The following E2F6 variants were observed in gnomAD, a reference collection of about 807,000 sequenced individuals.
E2F6 encodes transcription factor E2F6.
Under a neutral mutation model 31.5 loss-of-function variants are expected in E2F6, and 19 were observed. The ratio of observed to expected loss-of-function variants is 0.60; its 90% confidence interval spans 0.42 to 0.89. E2F6 has a LOEUF of 0.89. Ranked by LOEUF, E2F6 falls within the 40% of genes least tolerant of loss-of-function variation. The pLI, the probability that E2F6 is intolerant of heterozygous loss-of-function variation, is 0.00. For missense variants in E2F6, 269 were observed against 341.6 expected (o/e 0.79, Z 1.67); for synonymous variants, 121 against 127.7 (o/e 0.95, Z 0.36).
chr2:11,447,284 C>T (rs1572485626), intron 6 of E2F6, among the ~76,000 whole-genome samples: 1 of 152,170 alleles, frequency 6.6e-6, no homozygotes, highest in African/African-American at 2.4e-5. Flanking sequence ...CCCTTCCCTT[C>T]TCCAAGATGT....
intron 1 of E2F6, among the ~76,000 whole-genome samples, chr2:11,462,006 G>A (rs1671810526): frequency 6.6e-6 from 1 of 152,226 alleles, no homozygotes; most frequent in South Asian, 2.1e-4. Flanking sequence ...AACAGTTTGT[G>A]TCATGGACTT....
intron 5 of E2F6, among the ~76,000 whole-genome samples, chr2:11,449,208 G>C (rs1382032062): frequency 1.3e-5 from 2 of 152,234 alleles, no homozygotes; most frequent in African/African-American, 2.4e-5. Context: ...ACTTGAGTGT[G>C]ACTGAGGTAA....
In E2F6 at chr2:11,455,736, G is replaced by A. The variant is rs548450776; in HGVS notation, c.163+1443C>T. The stretch of plus-strand genomic sequence containing the variant: ...CTGAGGGGATATGAATAGGATTACA[G>A]AGGTCTTCACACCAAAGCAACTCCG... On this transcript the variant is annotated intron_variant, in intron 2 of 6. Coordinates refer to ENST00000381525, the MANE Select transcript of E2F6 (RefSeq NM_198256.4). Among the ~76,000 whole-genome samples the A allele has an allele frequency of 3.2e-3, 482 of 152,316 alleles. 3 individuals are homozygous for A. The highest frequency in any genetic ancestry group is 3.4e-3 in the Non-Finnish European group (234 of 68,030).
chr2:11,455,360 T>C, intron 2 of E2F6: 2 of 1,212,850 alleles, frequency 1.6e-6, no homozygotes, highest in Admixed American at 6.5e-5. Flanking sequence ...AGAAATGTCC[T>C]TACTCAGAAC....
rs988467103 is a variant in E2F6, at chr2:11,445,261, A to G, written c.*1216T>C. The G allele has an allele frequency of 1.3e-5, 2 of 152,476 alleles. No homozygotes were observed. Among genetic ancestry groups the G allele is most frequent in the African/African-American group, 2.4e-5 (1 of 41,462 alleles). The allele number at this position is 152,476 out of a possible 1,614,324, so 9.4% of individuals were successfully genotyped here. A position where few individuals can be genotyped will look rare whatever the true frequency, so the allele number is the denominator to read the frequency against. On this transcript the variant is annotated 3_prime_UTR_variant, in exon 7 of 7. Transcript: ENST00000381525. The stretch of plus-strand genomic sequence containing the variant: ...TACGATAGACAAACCAAATATTATT[A>G]TTCTGATCTTACAATTCACTCACTC...
At chr2:11,453,899 C>A in intron 2 of E2F6, 101 bp from the exon 3 acceptor site, 1 of 1,014,566 alleles carries the variant, frequency 9.9e-7, no homozygotes. Flanking sequence ...CAGACATCTA[C>A]AGAAATGCCT....
intron 1 of E2F6, among the ~76,000 whole-genome samples, chr2:11,460,996 T>G (rs1353620055): frequency 2.6e-5 from 4 of 151,332 alleles, no homozygotes; most frequent in African/African-American, 9.7e-5. Context: ...AGGGGTCTGC[T>G]GGGACTTGGG....
intron 5 of E2F6, among the ~76,000 whole-genome samples, chr2:11,448,806 C>T (rs533952044): frequency 4.6e-5 from 7 of 152,206 alleles, no homozygotes; most frequent in Non-Finnish European, 8.8e-5. Flanking sequence ...AACTCTGCCA[C>T]TATAGTATGA....
At chr2:11,465,178 CAAAAAAAA>C (rs59561027) in intron 1 of E2F6, among the ~76,000 whole-genome samples, 1 of 88,606 alleles carries the variant, frequency 1.1e-5, no homozygotes, top group African/African-American at 4.7e-5. Context: ...AACTCAATCT[CAAAAAAAA>C]AAAAAAAAAA....
chr2:11,452,342 G>A (rs1338235511), intron 3 of E2F6, among the ~76,000 whole-genome samples: 2 of 152,174 alleles, frequency 1.3e-5, no homozygotes, highest in Admixed American at 1.3e-4. Flanking sequence ...GGTGGGTCAC[G>A]CCTGTAATCC....
Position 11,453,672 on chromosome 2 carries a change from C to T in E2F6, c.290G>A (p.Gly97Glu). The T allele has an allele frequency of 6.2e-7, 1 of 1,614,166 alleles. No homozygotes were observed. The highest frequency in any genetic ancestry group is 2.2e-5 in the East Asian group (1 of 44,878). Residue 97 changes from glycine (G) to glutamate (E), a missense_variant, in exon 3 of 7, where the codon GGA becomes GAA. Gly to Glu is a moderately conservative substitution (Grantham distance 98). Coordinates refer to ENST00000381525, the MANE Select transcript of E2F6 (RefSeq NM_198256.4). ...GTCATACACTCTCCGCTTTCGGACTCCCAGTTTCGTTGCAACCTTGTTTAA... is the reference window on the plus strand; with the variant it reads ...GTCATACACTCTCCGCTTTCGGACTTCCAGTTTCGTTGCAACCTTGTTTAA... ...LDLNKVATKL[G>E]VRKRRVYDIT...
chr2:11,455,080 T>C (rs1322172553), intron 2 of E2F6, among the ~76,000 whole-genome samples: 1 of 152,232 alleles, frequency 6.6e-6, no homozygotes, highest in Non-Finnish European at 1.5e-5. Context: ...AATGTTGATA[T>C]GTGCCGCTAA....
chr2:11,454,746 A>G (rs985934258), intron 2 of E2F6, among the ~76,000 whole-genome samples: 4 of 151,676 alleles, frequency 2.6e-5, no homozygotes, highest in African/African-American at 4.8e-5. Flanking sequence ...ACCTACTATA[A>G]TGACTGGGGT....
chr2:11,456,881 C>T, intron 2 of E2F6: 2 of 337,326 alleles, frequency 5.9e-6, no homozygotes, highest in Non-Finnish European at 1.1e-5. Flanking sequence ...CTAACAGATA[C>T]CCTAAACATT....
chr2:11,466,093 A>G lies in E2F6; in HGVS notation c.-214T>C. On this transcript the variant is annotated 5_prime_UTR_variant, in exon 1 of 7. Coordinates refer to ENST00000381525, the MANE Select transcript of E2F6 (RefSeq NM_198256.4). Reference sequence around the variant, plus strand: ...GCCCGGGAGCTCCCGACGCAGACGGAAAAAGAGGAGGGAGACCCGCGGATC... The same window carrying G: ...GCCCGGGAGCTCCCGACGCAGACGGGAAAAGAGGAGGGAGACCCGCGGATC... The G allele has an allele frequency of 2.0e-6, 1 of 509,816 alleles. No individual in the cohort carries two copies. Among genetic ancestry groups the G allele is most frequent in the Non-Finnish European group, 3.4e-6 (1 of 292,360 alleles). The allele number at this position is 509,816 out of a possible 1,614,324, so 31.6% of individuals were successfully genotyped here.
rs1272886910 is a variant in E2F6, at chr2:11,465,494, A to AG, written c.108+277dup. ...CAGAGATACAGCTAGAGTCCATAGA[A>AG]GGAGATAAACATGGACTCTCTAATG... On this transcript the variant is annotated intron_variant, in intron 1 of 6. Transcript: ENST00000381525. 2.6e-5 allele frequency among the ~76,000 whole-genome samples: 4 copies of AG among 152,340 alleles called. No homozygotes were observed. The East Asian group carries it at 7.7e-4, about 29-fold the overall frequency.
rs557696088 is a variant in E2F6, at chr2:11,465,835, C to T, written c.45G>A (p.Leu15=). The T allele has an allele frequency of 6.3e-7, 1 of 1,592,200 alleles. No individual in the cohort carries two copies. Among genetic ancestry groups the T allele is most frequent in the Non-Finnish European group, 8.5e-7 (1 of 1,170,416 alleles). The change falls in exon 1 of 7, where the codon CTG becomes CTA. Residue 15 remains leucine (L), a synonymous_variant. Coordinates refer to ENST00000381525, the MANE Select transcript of E2F6 (RefSeq NM_198256.4). ...RPARKLPSLL[L]DPTEETVRRR... ...GGCGAACCGTCTCCTCCGTCGGGTC[C>T]AGGAGGAGACTGGGTAACTTCCTCG... is the stretch of plus-strand genomic sequence containing the variant.
At chr2:11,447,390 G>A (rs1183207130) in intron 6 of E2F6, among the ~76,000 whole-genome samples, 2 of 152,142 alleles carry the variant, frequency 1.3e-5, no homozygotes, top group Admixed American at 6.5e-5. Context: ...AGAGACCATC[G>A]CAAGTTGGTA....
Position 11,446,542 on chromosome 2 carries a change from G to A in E2F6, c.800-19C>T. Reference sequence around the variant, plus strand: ...TTTTCTTCTGGAAAAGAACACGAGAGAGAAATACACCTAAGTGAATACACC... The same window carrying A: ...TTTTCTTCTGGAAAAGAACACGAGAAAGAAATACACCTAAGTGAATACACC... On this transcript the variant is annotated intron_variant, in intron 6 of 6. Transcript: ENST00000381525. 1 of 1,610,728 alleles carries A rather than the reference G, an allele frequency of 6.2e-7. No individual in the cohort carries two copies. Among genetic ancestry groups the A allele is most frequent in the South Asian group, 1.1e-5 (1 of 90,922 alleles).
Sources: allele counts gnomAD v4.1 joint callset (sites outside exome capture counted in the v4.1 genomes callset), GRCh38; gene constraint gnomAD v4.1.1; transcripts MANE v1.5; gene names NCBI Gene and HGNC (gene_info 2026-07-23, HGNC 2026-07-21).